The following PTP4A2 variants were observed in gnomAD, a reference collection of about 807,000 sequenced individuals.
The protein encoded by PTP4A2 is protein tyrosine phosphatase 4A2, also known as protein tyrosine phosphatase type IVA 2.
PTP4A2 carries 2 observed loss-of-function variants against 22.9 expected under a neutral mutation model. The observed-to-expected ratio is 0.09, with a 90% CI of 0.04 to 0.27. PTP4A2 has a LOEUF of 0.27. Among genes scored for constraint, PTP4A2 ranks in the 10% least tolerant of loss-of-function variants. PTP4A2 has a pLI of 1.00. For missense variants in PTP4A2, 103 were observed against 205.1 expected, an observed-to-expected ratio of 0.50 and a Z score of 3.04; for synonymous variants, 68 against 69.1, an observed-to-expected ratio of 0.98 and a Z score of 0.08.
intron 2 of PTP4A2, 132 bp from the exon 3 acceptor site, chr1:31,916,119 G>A (rs973837379): frequency 5.4e-6 from 3 of 557,004 alleles, no homozygotes; most frequent in Non-Finnish European, 9.5e-6. Flanking sequence ...GCCTGAGGCG[G>A]GCATATCACA....
intron 1 of PTP4A2, among the ~76,000 whole-genome samples, chr1:31,920,126 CAAAAA>C (rs772173962): frequency 6.9e-5 from 3 of 43,182 alleles, no homozygotes; most frequent in East Asian, 6.8e-4. Context: ...AACTCTGCCT[CAAAAA>C]AAAAAAAAAA....
intron 2 of PTP4A2, among the ~76,000 whole-genome samples, chr1:31,917,042 C>A (rs1007741739): frequency 6.6e-6 from 1 of 152,206 alleles, no homozygotes; most frequent in African/African-American, 2.4e-5. Flanking sequence ...ACTCTCCCTA[C>A]GGTGAATCCC....
intron 1 of PTP4A2, among the ~76,000 whole-genome samples, chr1:31,925,129 G>T (rs892534738): frequency 3.3e-5 from 5 of 152,164 alleles, no homozygotes; most frequent in African/African-American, 1.2e-4. Context: ...GGCAGGGCCA[G>T]GAACACAGGA....
At chr1:31,930,135 G>C (rs1397318735) in intron 1 of PTP4A2, among the ~76,000 whole-genome samples, 1 of 152,184 alleles carries the variant, frequency 6.6e-6, no homozygotes, top group Non-Finnish European at 1.5e-5. Context: ...TCAGCAGATC[G>C]AGACCATCCT....
At chr1:31,927,815 T>C (rs1360098924) in intron 1 of PTP4A2, among the ~76,000 whole-genome samples, 4 of 152,192 alleles carry the variant, frequency 2.6e-5, no homozygotes, top group Non-Finnish European at 5.9e-5. Flanking sequence ...ATTCAGACAA[T>C]AGATTGTAAA....
intron 1 of PTP4A2, among the ~76,000 whole-genome samples, chr1:31,926,806 G>A (rs968462612): frequency 6.6e-6 from 1 of 152,166 alleles, no homozygotes; most frequent in Non-Finnish European, 1.5e-5. Flanking sequence ...AAAATTAGAA[G>A]TAGGGGAATT....
chr1:31,917,842 C>G (rs55745741), intron 2 of PTP4A2, among the ~76,000 whole-genome samples: 1 of 150,118 alleles, frequency 6.7e-6, no homozygotes, highest in African/African-American at 2.5e-5. Context: ...GGTGTGGTGG[C>G]GCGCGCCTGT....
chr1:31,909,483 G>C (rs1403045055), intron 5 of PTP4A2, among the ~76,000 whole-genome samples: 1 of 152,062 alleles, frequency 6.6e-6, no homozygotes, highest in Admixed American at 6.5e-5. Context: ...AGATCATCCT[G>C]GCCAACATGG....
At chr1:31,913,249 C>G (rs2124155844) in intron 3 of PTP4A2, among the ~76,000 whole-genome samples, 1 of 152,300 alleles carries the variant, frequency 6.6e-6, no homozygotes. Context: ...CCCTCCTCAC[C>G]TAGCAAAATT....
intron 5 of PTP4A2, among the ~76,000 whole-genome samples, chr1:31,909,439 GC>G (rs762364369): frequency 2.6e-5 from 4 of 152,128 alleles, no homozygotes; most frequent in Non-Finnish European, 5.9e-5. Context: ...ACTTTGGGAG[GC>G]CGAGGTGGGC....
rs115423537 is a variant in PTP4A2 at position 31,918,931 on chromosome 1, A to C, written c.96+39T>G. The C allele has an allele frequency of 2.3e-3, 2,624 of 1,152,914 alleles. 48 individuals carry two copies. In the African/African-American group the frequency reaches 0.034, roughly 15 times the overall value. 71.4% of individuals were successfully genotyped at this position (1,152,914 alleles called of 1,614,324 possible). On this transcript the variant is annotated intron_variant, in intron 2 of 5. Transcript: ENST00000647444. ...AGAATTTTTTAATGGGATTTTACCTAGAAATCAATCCAAAAAGTAGACCAT... is the reference window on the plus strand; with the variant it reads ...AGAATTTTTTAATGGGATTTTACCTCGAAATCAATCCAAAAAGTAGACCAT...
intron 5 of PTP4A2, among the ~76,000 whole-genome samples, chr1:31,909,655 G>A (rs574333043): frequency 7.2e-4 from 108 of 150,722 alleles, no homozygotes; most frequent in Admixed American, 1.7e-3. Context: ...TTGAGCAACA[G>A]AGCGAGACTC....
At chr1:31,923,555 C>A (rs1337996889) in intron 1 of PTP4A2, among the ~76,000 whole-genome samples, 3 of 149,094 alleles carry the variant, frequency 2.0e-5, no homozygotes, top group Non-Finnish European at 4.5e-5. Flanking sequence ...AGGATGGTCT[C>A]GATCTCCTGA....
intron 1 of PTP4A2, among the ~76,000 whole-genome samples, chr1:31,922,630 CTTT>C (rs1168252360): frequency 1.0e-5 from 1 of 95,758 alleles, no homozygotes; most frequent in South Asian, 3.6e-4. Context: ...TTCTTTCTTT[CTTT>C]CTTTTATTTA....
intron 2 of PTP4A2, among the ~76,000 whole-genome samples, chr1:31,916,324 G>A (rs1381416627): frequency 1.4e-4 from 16 of 117,590 alleles, no homozygotes; most frequent in Admixed American, 9.1e-4. Flanking sequence ...CAGCCTGGGC[G>A]ACAGAGCGAG....
chr1:31,917,461 T>TA (rs1651906396), intron 2 of PTP4A2, among the ~76,000 whole-genome samples: 1 of 152,164 alleles, frequency 6.6e-6, no homozygotes, highest in Non-Finnish European at 1.5e-5. Context: ...AAAATACAAA[T>TA]AAAATCCCAT....
In PTP4A2 at chr1:31,935,425, T is replaced by C. The variant is rs930633282; in HGVS notation, c.-594+2562A>G. Among the ~76,000 whole-genome samples the C allele has an allele frequency of 8.5e-5, 13 of 152,278 alleles. No individual in the cohort carries two copies. In the Middle Eastern group the frequency reaches 0.014, roughly 159 times the overall value. On this transcript the variant is annotated intron_variant, in intron 1 of 5. Transcript: ENST00000647444. ...CATTAGTTTCAACAGCTCTCCTAAG[T>C]ACTAGCTGCTAGGCCATCACGTTGA...
intron 2 of PTP4A2, among the ~76,000 whole-genome samples, chr1:31,917,851 G>A (rs1255955277): frequency 1.3e-5 from 2 of 150,832 alleles, no homozygotes; most frequent in South Asian, 4.2e-4. Flanking sequence ...GCGCGCGCCT[G>A]TAGTCCCAGC....
At chr1:31,917,244 G>A (rs780710884) in intron 2 of PTP4A2, among the ~76,000 whole-genome samples, 2 of 152,176 alleles carry the variant, frequency 1.3e-5, no homozygotes, top group African/African-American at 2.4e-5. Flanking sequence ...CAACTTGTAC[G>A]CTGTGTATAC....
Sources: allele counts gnomAD v4.1 joint callset (sites outside exome capture counted in the v4.1 genomes callset), GRCh38; gene constraint gnomAD v4.1.1; transcripts MANE v1.5; gene names NCBI Gene and HGNC (gene_info 2026-07-23, HGNC 2026-07-21).